Variants in PCDHGB1 observed in about 807,000 individuals in gnomAD.
PCDHGB1 encodes the protein protocadherin gamma subfamily B, 1, also known as protocadherin gamma-B1.
Under a neutral mutation model 56.6 loss-of-function variants are expected in PCDHGB1, and 34 were observed. The ratio of observed to expected loss-of-function variants is 0.60; its 90% confidence interval spans 0.46 to 0.80. PCDHGB1 has a LOEUF of 0.80. Among genes scored for constraint, PCDHGB1 ranks in the 30% least tolerant of loss-of-function variants. PCDHGB1 has a pLI of 0.00. For missense variants in PCDHGB1, 1,278 were observed against 1,204.6 expected, an observed-to-expected ratio of 1.06 and a Z score of -0.90; for synonymous variants, 561 against 505.9, an observed-to-expected ratio of 1.11 and a Z score of -1.46.
chr5:141,414,587 G>C (rs775783880), intron 1 of PCDHGB1: 3 of 1,613,828 alleles, frequency 1.9e-6, no homozygotes, highest in Admixed American at 3.3e-5. Context: ...AACAACGCCA[G>C]GGGTGCCTCC....
chr5:141,504,765 C>T lies in PCDHGB1; in HGVS notation c.2469-628C>T, dbSNP rs548234873. ...ATTGAATTTTAGAAATTTCTTCTCC[C>T]TGCTCCAGGGTCTCTTGGGGCCTCC... On this transcript the variant is annotated intron_variant, in intron 2 of 3. Transcript: ENST00000523390. Among the ~76,000 whole-genome samples, 4 of 152,156 alleles carry T rather than the reference C, an allele frequency of 2.6e-5. No homozygotes were observed. The South Asian group carries it at 8.3e-4, about 32-fold the overall frequency.
chr5:141,371,477 G>A (rs1027262154), intron 1 of PCDHGB1: 3 of 1,613,854 alleles, frequency 1.9e-6, no homozygotes, highest in Non-Finnish European at 2.5e-6. Flanking sequence ...AAGATGCTGA[G>A]CTGGGGACTG....
intron 1 of PCDHGB1, chr5:141,478,874 A>G: frequency 1.6e-6 from 2 of 1,276,696 alleles, no homozygotes; most frequent in Non-Finnish European, 2.1e-6. Flanking sequence ...ATCAGAGTTT[A>G]GCTTGGTATC....
In PCDHGB1 at chr5:141,375,892, G is replaced by C. The variant is rs753797132; in HGVS notation, c.2409+23223G>C. On this transcript the variant is annotated intron_variant, in intron 1 of 3. Transcript: ENST00000523390. ...ACAGAGACTCGGGCCAGAACGCCTG[G>C]CTGTCCTACCGCCTGCTCAAGGCCA... is the stretch of plus-strand genomic sequence containing the variant. 5 of 1,613,676 alleles carry C rather than the reference G, an allele frequency of 3.1e-6. No individual in the cohort carries two copies. In the Admixed American group the frequency reaches 8.3e-5, roughly 27 times the overall value.
intron 1 of PCDHGB1, chr5:141,376,373 C>G (rs368702591): frequency 1.2e-6 from 2 of 1,614,192 alleles, no homozygotes; most frequent in Non-Finnish European, 1.7e-6. Flanking sequence ...TGCAGACTCG[C>G]GTAAGAGTCA....
At position 141,489,474 on chromosome 5, in the gene PCDHGB1, C is replaced by T. The variant is rs772297075; in HGVS notation, c.2410-5333C>T. On this transcript the variant is annotated intron_variant, in intron 1 of 3. Transcript: ENST00000523390. The surrounding 1 kb of genome is among the most constrained non-coding windows in gnomAD (Gnocchi z 4.5). ...AGAATGGGCGCTATTTTTCCCTGAG[C>T]TTGATGAGTGGTGCCCTGGCAGTGA... 6.2e-7 allele frequency: 1 copy of T among 1,614,108 alleles called. No individual in the cohort carries two copies. The highest frequency in any genetic ancestry group is 8.5e-7 in the Non-Finnish European group (1 of 1,180,034).
At position 141,425,713 on chromosome 5, in the gene PCDHGB1, C is replaced by T. The variant is rs191037499; in HGVS notation, c.2410-69094C>T. 3.9e-4 allele frequency among the ~76,000 whole-genome samples: 60 copies of T among 152,312 alleles called. No homozygotes were observed. In the East Asian group the frequency reaches 6.7e-3, roughly 17 times the overall value. On this transcript the variant is annotated intron_variant, in intron 1 of 3. Transcript: ENST00000523390. ...CATTTCATAGTGGTCAAAATTTTCC[C>T]ATACCACTTGATGGGGATGTTTTCC...
At chr5:141,371,919 G>A (rs765232758) in intron 1 of PCDHGB1, 2 of 1,613,372 alleles carry the variant, frequency 1.2e-6, no homozygotes, top group East Asian at 2.2e-5. Flanking sequence ...GTCCGTGAGC[G>A]CGCGGAGCGG....
At chr5:141,482,957 C>A (rs2099575063) in intron 1 of PCDHGB1, among the ~76,000 whole-genome samples, 2 of 57,944 alleles carry the variant, frequency 3.5e-5, no homozygotes, top group Admixed American at 1.5e-4. Context: ...CCTGTAATTC[C>A]AGCTACTTGA....
At chr5:141,375,821 C>T in intron 1 of PCDHGB1, 1 of 1,614,192 alleles carries the variant, frequency 6.2e-7, no homozygotes, top group Non-Finnish European at 8.5e-7. Context: ...GCTGGCGCCC[C>T]GCTCCGCAGA....
chr5:141,485,106 TGGCTGTTTGGGGCGGGTC>T lies in PCDHGB1; in HGVS notation c.2410-9696_2410-9679del. 1 of 1,206,448 alleles carries T rather than the reference TGGCTGTTTGGGGCGGGTC, an allele frequency of 8.3e-7. No homozygotes were observed. The highest frequency in any genetic ancestry group is 1.2e-6 in the Non-Finnish European group (1 of 828,284). 74.7% of individuals were successfully genotyped at this position (1,206,448 alleles called of 1,614,324 possible). Reference sequence around the variant, plus strand: ...GGGAGATAGGTGTCTCCAGCTGCTGTGGCTGTTTGGGGCGGGTCGGCTTCATCCGCGTCTCAGGAGCAA... The same window carrying T: ...GGGAGATAGGTGTCTCCAGCTGCTGTGGCTTCATCCGCGTCTCAGGAGCAA... On this transcript the variant is annotated intron_variant, in intron 1 of 3. Coordinates refer to ENST00000523390, the MANE Select transcript of PCDHGB1 (RefSeq NM_018922.3). This position sits in a 1 kb window ranked among gnomAD's most constrained non-coding sequence, Gnocchi z 5.7.
chr5:141,355,206 G>T lies in PCDHGB1; in HGVS notation c.2409+2537G>T, dbSNP rs377415037. ...GACTCCGCGGCGGGGTTGTAATGGCGGCGCCTCCTGCTCGCCCAGACCACA... is the reference window on the plus strand; with the variant it reads ...GACTCCGCGGCGGGGTTGTAATGGCTGCGCCTCCTGCTCGCCCAGACCACA... On this transcript the variant is annotated intron_variant, in intron 1 of 3. Coordinates refer to ENST00000523390, the MANE Select transcript of PCDHGB1 (RefSeq NM_018922.3). The T allele has an allele frequency of 2.4e-5, 39 of 1,598,352 alleles. 1 individual carries two copies. The highest frequency in any genetic ancestry group is 3.2e-5 in the Non-Finnish European group (37 of 1,171,044).
chr5:141,478,124 T>C (rs776469996), intron 1 of PCDHGB1: 1 of 1,613,978 alleles, frequency 6.2e-7, no homozygotes, highest in South Asian at 1.1e-5. Flanking sequence ...AACCGAGGAC[T>C]CTCCTGAAGC....
chr5:141,476,070 C>T lies in PCDHGB1; in HGVS notation c.2410-18737C>T. ...CCCGCTGAAAGTTTCTCAGCGAAAT[C>T]TCAGGGACGATCTGGACCCCGCTGA... is the stretch of plus-strand genomic sequence containing the variant. On this transcript the variant is annotated intron_variant, in intron 1 of 3. Transcript: ENST00000523390. This position sits in a 1 kb window ranked among gnomAD's most constrained non-coding sequence, Gnocchi z 7.6. 6.6e-7 allele frequency: 1 copy of T among 1,522,382 alleles called. No individual in the cohort carries two copies. The highest frequency in any genetic ancestry group is 1.3e-5 in the South Asian group (1 of 77,762). 94.3% of individuals were successfully genotyped at this position (1,522,382 alleles called of 1,614,324 possible). A position where few individuals can be genotyped will look rare whatever the true frequency, so the allele number is the denominator to read the frequency against.
chr5:141,500,234 A>T (rs2099798212), intron 2 of PCDHGB1, among the ~76,000 whole-genome samples: 1 of 148,996 alleles, frequency 6.7e-6, no homozygotes, highest in Non-Finnish European at 1.5e-5. Context: ...ATTGATACGT[A>T]GCCTTGCTCT....
At chr5:141,474,745 C>T (rs935430941) in intron 1 of PCDHGB1, among the ~76,000 whole-genome samples, 2 of 152,174 alleles carry the variant, frequency 1.3e-5, no homozygotes, top group East Asian at 3.9e-4. Context: ...AAGTGATGTC[C>T]AAGACAAATA....
At position 141,486,238 on chromosome 5, in the gene PCDHGB1, G is replaced by C. The variant is rs1414434705; in HGVS notation, c.2410-8569G>C. 6.2e-7 allele frequency: 1 copy of C among 1,614,058 alleles called. No homozygotes were observed. The highest frequency in any genetic ancestry group is 8.5e-7 in the Non-Finnish European group (1 of 1,180,024). On this transcript the variant is annotated intron_variant, in intron 1 of 3. Coordinates refer to ENST00000523390, the MANE Select transcript of PCDHGB1 (RefSeq NM_018922.3). This position sits in a 1 kb window ranked among gnomAD's most constrained non-coding sequence, Gnocchi z 5.0. ...CCCCTTACATCACAGTGACCTCAGA[G>C]CTTGGAACCCTCCCCGAGAGTGCAG... is the stretch of plus-strand genomic sequence containing the variant.
At chr5:141,415,024 G>C in intron 1 of PCDHGB1, 1 of 1,613,568 alleles carries the variant, frequency 6.2e-7, no homozygotes, top group Non-Finnish European at 8.5e-7. Flanking sequence ...CAAGGCCAGC[G>C]AGCCGGGACT....
intron 1 of PCDHGB1, chr5:141,390,051 A>C: frequency 6.2e-7 from 1 of 1,613,978 alleles, no homozygotes; most frequent in Non-Finnish European, 8.5e-7. Context: ...CGCCTCCTGG[A>C]GCTGCTTCCA....
Sources: gnomAD v4.1 joint callset for allele counts (sites outside exome capture counted in the v4.1 genomes callset) on GRCh38, gnomAD v4.1.1 for gene constraint, Gnocchi (gnomAD v3.1) non-coding constraint, MANE v1.5 for transcripts, NCBI Gene and HGNC (gene_info 2026-07-23, HGNC 2026-07-21) for gene names.